STRN: variants seen among roughly 807,000 people sequenced by gnomAD.
STRN encodes protein phosphatase 2 regulatory subunit B'''alpha.
In STRN, 53 loss-of-function variants were observed where a neutral mutation model predicts 96.3. The ratio of observed to expected loss-of-function variants is 0.55; its 90% confidence interval spans 0.44 to 0.69. The LOEUF is 0.69. STRN is among the 30% of genes least tolerant of loss of function. The probability of loss-of-function intolerance (pLI) is 0.00; values close to 1 mark genes in which losing one functional copy is unlikely to be tolerated. For synonymous variants in STRN, 428 were observed against 355.9 expected, an observed-to-expected ratio of 1.20 and a Z score of -2.28; for missense variants, 987 against 963.9, an observed-to-expected ratio of 1.02 and a Z score of -0.32.
chr2:36,855,693 G>T (rs1213506610), intron 14 of STRN, among the ~76,000 whole-genome samples: 1 of 152,050 alleles, frequency 6.6e-6, no homozygotes, highest in African/African-American at 2.4e-5. Context: ...GACATAGTGG[G>T]AATTCTTCAT....
intron 14 of STRN, among the ~76,000 whole-genome samples, chr2:36,857,162 C>T (rs868234985): frequency 6.6e-6 from 1 of 151,004 alleles, no homozygotes; most frequent in Non-Finnish European, 1.5e-5. Context: ...CCTGGCCTCT[C>T]GTGATCCTCC....
intron 1 of STRN, among the ~76,000 whole-genome samples, chr2:36,959,468 T>C (rs1664976880): frequency 6.6e-6 from 1 of 152,208 alleles, no homozygotes; most frequent in Admixed American, 6.5e-5. Flanking sequence ...TATCTGGAGA[T>C]GTAAGTGACA....
chr2:36,855,445 C>T, intron 14 of STRN, 93 bp from the exon 15 acceptor site: 1 of 1,323,494 alleles, frequency 7.6e-7, no homozygotes, highest in Non-Finnish European at 1.0e-6. Context: ...GCATGGTTTC[C>T]TTAAGAAGTA....
rs760318368 is a variant in STRN at position 36,966,269 on chromosome 2, C to T, written c.195G>A (p.Val65=). The change falls in exon 1 of 18, where the codon GTG becomes GTA. Residue 65 remains valine (V), a synonymous_variant. Transcript: ENST00000263918. ...GCTCCACCTCCCACTGGGCTCTCTC[C>T]ACCTCGAAGCGGGCCCACTCGTGCT... is the stretch of plus-strand genomic sequence containing the variant. ...FLQHEWARFE[V]ERAQWEVERA... 2.5e-6 allele frequency: 4 copies of T among 1,587,606 alleles called. No homozygotes were observed. The highest frequency in any genetic ancestry group is 2.6e-6 in the Non-Finnish European group (3 of 1,169,060).
At chr2:36,933,085 C>CACACAT (rs1553403718) in intron 1 of STRN, among the ~76,000 whole-genome samples, 1 of 150,704 alleles carries the variant, frequency 6.6e-6, no homozygotes, top group African/African-American at 2.5e-5. Context: ...CACACACACA[C>CACACAT]ATATATATGC....
At position 36,915,997 on chromosome 2, in the gene STRN, A is replaced by G. The variant is rs2302658; in HGVS notation, c.412+81T>C. ...CTAATACACAAATAATTAGAAAGTA[A>G]CTTACAGTTGTAAATGCTGCTAGAA... On this transcript the variant is annotated intron_variant, in intron 3 of 17. Transcript: ENST00000263918. 0.063 allele frequency: 78,297 copies of G among 1,240,144 alleles called. 6,620 individuals are homozygous for G. Among genetic ancestry groups the G allele is most frequent in the African/African-American group, 0.38 (25,302 of 66,632 alleles). 76.8% of individuals were successfully genotyped at this position (1,240,144 alleles called of 1,614,324 possible).
rs185260846 is a variant in STRN, at chr2:36,958,123, T to C, written c.234+8107A>G. On this transcript the variant is annotated intron_variant, in intron 1 of 17. Transcript: ENST00000263918. The stretch of plus-strand genomic sequence containing the variant: ...TTAGTAGAGACGGGGTTTCACCATG[T>C]TGGCCAAGCTGGTCTTGAACTCCGG... Among the ~76,000 whole-genome samples the C allele has an allele frequency of 5.9e-3, 894 of 152,052 alleles. 2 individuals are homozygous for C. The highest frequency in any genetic ancestry group is 9.7e-3 in the Non-Finnish European group (656 of 67,968).
intron 3 of STRN, among the ~76,000 whole-genome samples, chr2:36,910,134 T>A (rs912782355): frequency 2.1e-5 from 3 of 143,438 alleles, no homozygotes; most frequent in African/African-American, 2.7e-5. Flanking sequence ...GATCGTGGCG[T>A]CACACTCCAG....
chr2:36,881,118 CTTTTT>C (rs3081783), intron 9 of STRN, among the ~76,000 whole-genome samples: 3 of 78,976 alleles, frequency 3.8e-5, no homozygotes, highest in Non-Finnish European at 4.8e-5. Context: ...ACACTGCCTT[CTTTTT>C]TTTTTTTTTT....
At chr2:36,961,171 GGCTGGAGTGCA>G (rs1448655468) in intron 1 of STRN, among the ~76,000 whole-genome samples, 3 of 140,126 alleles carry the variant, frequency 2.1e-5, no homozygotes, top group Non-Finnish European at 3.0e-5. Context: ...CTGTCGCCCA[GGCTGGAGTGCA>G]GTGGAGTGAT....
intron 3 of STRN, among the ~76,000 whole-genome samples, chr2:36,915,675 T>C (rs1476018351): frequency 6.6e-6 from 1 of 152,212 alleles, no homozygotes; most frequent in African/African-American, 2.4e-5. Flanking sequence ...AATTCCTCCA[T>C]GCTTTAAGAA....
At chr2:36,899,427 C>CG in intron 6 of STRN, 96 bp downstream of exon 6, 1 of 1,152,590 alleles carries the variant, frequency 8.7e-7, no homozygotes. Flanking sequence ...GAAAAAGCTA[C>CG]GGGTTAAGAT....
At chr2:36,964,951 G>A (rs1359925262) in intron 1 of STRN, among the ~76,000 whole-genome samples, 2 of 152,164 alleles carry the variant, frequency 1.3e-5, no homozygotes, top group Non-Finnish European at 2.9e-5. Flanking sequence ...GAAACCCAGA[G>A]AGGTTAAAGG....
At chr2:36,945,020 C>T (rs1670943324) in intron 1 of STRN, among the ~76,000 whole-genome samples, 1 of 151,984 alleles carries the variant, frequency 6.6e-6, no homozygotes, top group South Asian at 2.1e-4. Flanking sequence ...TATATATAGC[C>T]AACAAACCAG....
At position 36,941,393 on chromosome 2, in the gene STRN, C is replaced by T. The variant is rs562208020; in HGVS notation, c.235-16185G>A. 3.3e-5 allele frequency among the ~76,000 whole-genome samples: 5 copies of T among 152,204 alleles called. No homozygotes were observed. In the South Asian group the frequency reaches 8.3e-4, roughly 25 times the overall value. Reference sequence around the variant, plus strand: ...GCCCCTTTCTTCACATCGCTCTCCACCCCATAAAAAAGTAATGTTCAAAGC... The same window carrying T: ...GCCCCTTTCTTCACATCGCTCTCCATCCCATAAAAAAGTAATGTTCAAAGC... On this transcript the variant is annotated intron_variant, in intron 1 of 17. Transcript: ENST00000263918.
chr2:36,958,852 A>G (rs923959973), intron 1 of STRN, among the ~76,000 whole-genome samples: 1 of 152,226 alleles, frequency 6.6e-6, no homozygotes, highest in Admixed American at 6.5e-5. Context: ...TGGGTGTGGT[A>G]GCTCACGCCT....
At position 36,855,876 on chromosome 2, in the gene STRN, T is replaced by C. The variant is rs116149160; in HGVS notation, c.1838-524A>G. Among the ~76,000 whole-genome samples, 805 of 152,282 alleles carry C rather than the reference T, an allele frequency of 5.3e-3. 5 individuals carry two copies. The highest frequency in any genetic ancestry group is 0.018 in the African/African-American group (748 of 41,552). ...CTCAAGAATACAGAAGGTATTTTTA[T>C]TTACCATCTAGAATACATGAAAACT... On this transcript the variant is annotated intron_variant, in intron 14 of 17. Transcript: ENST00000263918.
intron 1 of STRN, among the ~76,000 whole-genome samples, chr2:36,959,415 C>T (rs1287852578): frequency 1.3e-5 from 2 of 152,156 alleles, no homozygotes; most frequent in African/African-American, 4.8e-5. Flanking sequence ...GATGATTAGC[C>T]TGGCCCCTAG....
At chr2:36,883,896 G>C in intron 9 of STRN, 36 bp downstream of exon 9, 2 of 1,315,456 alleles carry the variant, frequency 1.5e-6, no homozygotes, top group Non-Finnish European at 2.0e-6. Context: ...ATACATCCAA[G>C]TGCATTTTGT....
Sources: allele counts gnomAD v4.1 joint callset (sites outside exome capture counted in the v4.1 genomes callset), GRCh38; gene constraint gnomAD v4.1.1; transcripts MANE v1.5; gene names NCBI Gene and HGNC (gene_info 2026-07-23, HGNC 2026-07-21).